Variants in FAM110B observed in about 807,000 individuals in gnomAD.
The protein encoded by FAM110B is family with sequence similarity 110 member B.
In FAM110B, 6 loss-of-function variants were observed where a neutral mutation model predicts 20.4. That is an observed-to-expected ratio of 0.29 (90% CI 0.16 to 0.58). The LOEUF (loss-of-function observed/expected upper bound fraction) is 0.58. FAM110B is among the 20% of genes least tolerant of loss of function. FAM110B has a pLI of 0.90. For missense variants in FAM110B, 434 were observed against 498.2 expected (o/e 0.87, Z 1.23); for synonymous variants, 226 against 214.1 (o/e 1.06, Z -0.49).
At chr8:57,997,622 C>CA (rs1804212303) in intron 1 of FAM110B, among the ~76,000 whole-genome samples, 1 of 152,208 alleles carries the variant, frequency 6.6e-6, no homozygotes, top group African/African-American at 2.4e-5. Flanking sequence ...TGATTTGCAT[C>CA]ATTCTTCTGG....
intron 3 of FAM110B, among the ~76,000 whole-genome samples, chr8:58,094,203 AT>A (rs1343322150): frequency 6.6e-6 from 1 of 152,176 alleles, no homozygotes; most frequent in African/African-American, 2.4e-5. Flanking sequence ...AACAGAGACA[AT>A]TTGACTTCCT....
rs1288912879 is a variant in FAM110B, at chr8:58,148,572, T to G, written c.*1229T>G. 6.0e-6 allele frequency: 1 copy of G among 167,112 alleles called. No homozygotes were observed. The highest frequency in any genetic ancestry group is 1.5e-5 in the Non-Finnish European group (1 of 68,142). 10.4% of individuals were successfully genotyped at this position (167,112 alleles called of 1,614,324 possible). A position where few individuals can be genotyped will look rare whatever the true frequency, so the allele number is the denominator to read the frequency against. ...GTTAGCTGTCACTCAGCTGACACCA[T>G]GATGTGGCAGCAGAGAGGGAAACCT... On this transcript the variant is annotated 3_prime_UTR_variant, in exon 4 of 4. Transcript: ENST00000519262.
At chr8:58,142,562 C>T (rs1298888084) in intron 3 of FAM110B, among the ~76,000 whole-genome samples, 1 of 151,958 alleles carries the variant, frequency 6.6e-6, no homozygotes, top group African/African-American at 2.4e-5. Context: ...CGACCCCTGC[C>T]ACCATCACCC....
chr8:58,006,923 A>ATATATATTTTTTTTTT lies in FAM110B; in HGVS notation c.-512+12118_-512+12119insATATATTTTTTTTTTT. On this transcript the variant is annotated intron_variant, in intron 1 of 3. Coordinates refer to ENST00000519262, the MANE Select transcript of FAM110B (RefSeq NM_001377989.1). ...TTGGTATATATATATATATATATAT[A>ATATATATTTTTTTTTT]TTTTTCCAAAACCAGAGTTTGCATT... 3.4e-3 allele frequency among the ~76,000 whole-genome samples: 430 copies of ATATATATTTTTTTTTT among 126,468 alleles called. 2 individuals are homozygous for ATATATATTTTTTTTTT. Among genetic ancestry groups the ATATATATTTTTTTTTT allele is most frequent in the East Asian group, 0.025 (100 of 4,054 alleles). 83.0% of individuals were successfully genotyped at this position (126,468 alleles called of 152,430 possible).
In FAM110B at chr8:58,036,395, C is replaced by T. The variant is rs139656685; in HGVS notation, c.-414+4692C>T. ...ATTATCTTACTTGATAATACCATTCCTCATGGTGGAAATCTAAAACTGAAC... is the reference window on the plus strand; with the variant it reads ...ATTATCTTACTTGATAATACCATTCTTCATGGTGGAAATCTAAAACTGAAC... On this transcript the variant is annotated intron_variant, in intron 2 of 3. Coordinates refer to ENST00000519262, the MANE Select transcript of FAM110B (RefSeq NM_001377989.1). 5.1e-4 allele frequency among the ~76,000 whole-genome samples: 77 copies of T among 152,258 alleles called. 1 individual carries two copies. The East Asian group carries it at 0.014, about 27-fold the overall frequency.
At chr8:58,047,553 C>G (rs1235020173) in intron 2 of FAM110B, among the ~76,000 whole-genome samples, 1 of 146,532 alleles carries the variant, frequency 6.8e-6, no homozygotes, top group Non-Finnish European at 1.5e-5. Flanking sequence ...ACCAGAGGCA[C>G]TCTGTACCTC....
intron 3 of FAM110B, among the ~76,000 whole-genome samples, chr8:58,125,028 CTTAGA>C (rs1807461471): frequency 6.6e-6 from 1 of 152,056 alleles, no homozygotes; most frequent in African/African-American, 2.4e-5. Flanking sequence ...AATTGTTCTG[CTTAGA>C]TTATTGTAAT....
chr8:58,108,656 G>A (rs145148150), intron 3 of FAM110B, among the ~76,000 whole-genome samples: 231 of 152,326 alleles, frequency 1.5e-3, no homozygotes, highest in African/African-American at 5.3e-3. Flanking sequence ...CTCCATGACC[G>A]TCCTCAGGCG....
chr8:58,131,877 T>TC (rs1333652307), intron 3 of FAM110B, among the ~76,000 whole-genome samples: 2 of 152,170 alleles, frequency 1.3e-5, no homozygotes, highest in African/African-American at 4.8e-5. Context: ...TTGAAGTGAT[T>TC]CCCTTGAGGG....
chr8:58,070,118 A>T (rs1201575244), intron 2 of FAM110B: 1 of 152,240 alleles, frequency 6.6e-6, no homozygotes, highest in Non-Finnish European at 1.5e-5. Context: ...CTCAGAGAGC[A>T]TGTGCTGGAT....
intron 3 of FAM110B, among the ~76,000 whole-genome samples, chr8:58,121,192 T>A (rs1186866886): frequency 6.6e-6 from 1 of 152,146 alleles, no homozygotes; most frequent in African/African-American, 2.4e-5. Context: ...GGAGGTGCCA[T>A]GCAAACAGGG....
At chr8:58,036,176 A>T (rs1233005287) in intron 2 of FAM110B, among the ~76,000 whole-genome samples, 1 of 152,194 alleles carries the variant, frequency 6.6e-6, no homozygotes, top group Non-Finnish European at 1.5e-5. Context: ...TCCACCTCTT[A>T]GAGTGGTTTT....
At chr8:58,095,702 G>T (rs1264288642) in intron 3 of FAM110B, among the ~76,000 whole-genome samples, 3 of 152,132 alleles carry the variant, frequency 2.0e-5, no homozygotes, top group African/African-American at 7.2e-5. Context: ...GTGCTGAGAA[G>T]GGTGTATATT....
At chr8:58,062,810 C>T (rs1346660361) in intron 2 of FAM110B, among the ~76,000 whole-genome samples, 2 of 151,400 alleles carry the variant, frequency 1.3e-5, no homozygotes, top group Non-Finnish European at 3.0e-5. Flanking sequence ...GGCTGCTTTC[C>T]AGACATTTGA....
chr8:58,048,241 C>A (rs1285040649), intron 2 of FAM110B, among the ~76,000 whole-genome samples: 2 of 152,156 alleles, frequency 1.3e-5, no homozygotes. Flanking sequence ...ATAAAAATAG[C>A]ATTGAAAGGA....
intron 2 of FAM110B, among the ~76,000 whole-genome samples, chr8:58,033,851 C>T (rs13268751): frequency 0.29 from 43,377 of 152,080 alleles, 6,481 homozygotes; most frequent in Middle Eastern, 0.43. Flanking sequence ...TCCTGCTGAC[C>T]GTCTCTTACC....
chr8:58,015,583 T>C (rs1180187768), intron 1 of FAM110B, among the ~76,000 whole-genome samples: 1 of 151,830 alleles, frequency 6.6e-6, no homozygotes. Context: ...TGGTGACTCA[T>C]GCCTGTAATC....
chr8:58,124,811 A>G (rs1306211778), intron 3 of FAM110B, among the ~76,000 whole-genome samples: 1 of 152,234 alleles, frequency 6.6e-6, no homozygotes, highest in Non-Finnish European at 1.5e-5. Flanking sequence ...GAAATGTCAA[A>G]TATGGTATCT....
intron 3 of FAM110B, among the ~76,000 whole-genome samples, chr8:58,128,992 C>T (rs887382917): frequency 6.6e-6 from 1 of 152,184 alleles, no homozygotes; most frequent in Admixed American, 6.5e-5. Context: ...AGGAAAGCTT[C>T]ACCTCCTGAG....
Sources: allele counts gnomAD v4.1 joint callset (sites outside exome capture counted in the v4.1 genomes callset), GRCh38; gene constraint gnomAD v4.1.1; transcripts MANE v1.5; gene names NCBI Gene and HGNC (gene_info 2026-07-23, HGNC 2026-07-21).